AGTR1: variants seen among roughly 807,000 people sequenced by gnomAD.
AGTR1 encodes angiotensin II receptor type 1.
In AGTR1, 16 loss-of-function variants were observed where a neutral mutation model predicts 19.4. The observed-to-expected ratio is 0.82, with a 90% CI of 0.56 to 1.25. AGTR1 has a LOEUF of 1.25. AGTR1 is among the 50% of genes most tolerant of loss of function. AGTR1 has a pLI of 0.00. For missense variants in AGTR1, 373 were observed against 431.9 expected, an observed-to-expected ratio of 0.86 and a Z score of 1.21; for synonymous variants, 153 against 154.9, an observed-to-expected ratio of 0.99 and a Z score of 0.09.
intron 2 of AGTR1, among the ~76,000 whole-genome samples, chr3:148,736,041 C>G (rs1297757953): frequency 6.6e-6 from 1 of 151,876 alleles, no homozygotes; most frequent in African/African-American, 2.4e-5. Context: ...AGATTGCAAA[C>G]TAGTTTTAAA....
At chr3:148,725,768 C>T (rs187770656) in intron 2 of AGTR1, among the ~76,000 whole-genome samples, 2 of 152,282 alleles carry the variant, frequency 1.3e-5, no homozygotes, top group Admixed American at 1.3e-4. Flanking sequence ...CATGCATGAG[C>T]CACCACACCC....
rs568213686 is a variant in AGTR1, at chr3:148,742,081, C to T, written c.1046C>T (p.Thr349Ile). 73 of 1,614,102 alleles carry T rather than the reference C, an allele frequency of 4.5e-5. No homozygotes were observed. In the South Asian group the frequency reaches 6.9e-4, roughly 15 times the overall value. The stretch of plus-strand genomic sequence containing the variant: ...CCCTCAGATAATGTAAGCTCATCCA[C>T]CAAGAAGCCTGCACCATGTTTTGAG... ...YRPSDNVSSS[T>I]KKPAPCFEVE The change falls in exon 3 of 3, where the codon ACC (threonine) becomes ATC (isoleucine). Residue 349 changes from threonine (T) to isoleucine (I), a missense_variant. Physicochemically the swap from Thr to Ile is moderately conservative, Grantham distance 89 (BLOSUM62 -1). Transcript: ENST00000349243.
At chr3:148,739,987 C>G in intron 2 of AGTR1, 1 of 1,231,336 alleles carries the variant, frequency 8.1e-7, no homozygotes. Flanking sequence ...CCTTCAGCCT[C>G]CTTCCTGGGA....
At chr3:148,732,211 C>T (rs1272272948) in intron 2 of AGTR1, among the ~76,000 whole-genome samples, 1 of 152,174 alleles carries the variant, frequency 6.6e-6, no homozygotes, top group South Asian at 2.1e-4. Flanking sequence ...CAACCATGTT[C>T]CAAACTGTAC....
chr3:148,700,833 G>C (rs552244789), intron 1 of AGTR1, among the ~76,000 whole-genome samples: 1 of 152,300 alleles, frequency 6.6e-6, no homozygotes, highest in South Asian at 2.1e-4. Context: ...AATGCTATTA[G>C]TTTCCTTCAA....
At position 148,742,337 on chromosome 3, in the gene AGTR1, G is replaced by A. The variant is rs1307159647; in HGVS notation, c.*222G>A. ...CCACATTTTGCATTAGACAGATGAC[G>A]GCTGCTCGAAGAACAATGTCAGAAA... On this transcript the variant is annotated 3_prime_UTR_variant, in exon 3 of 3. Transcript: ENST00000349243. The A allele has an allele frequency of 1.2e-5, 8 of 677,280 alleles. No homozygotes were observed. Among genetic ancestry groups the A allele is most frequent in the East Asian group, 8.6e-5 (3 of 34,862 alleles). The allele number at this position is 677,280 out of a possible 1,614,324, so 42.0% of individuals were successfully genotyped here. A position where few individuals can be genotyped will look rare whatever the true frequency, so the allele number is the denominator to read the frequency against.
chr3:148,727,509 G>A (rs1714023303), intron 2 of AGTR1, among the ~76,000 whole-genome samples: 1 of 152,126 alleles, frequency 6.6e-6, no homozygotes, highest in South Asian at 2.1e-4. Flanking sequence ...GCAGACCTTG[G>A]GGCCACGACA....
chr3:148,701,517 G>C (rs1014976928), intron 1 of AGTR1, among the ~76,000 whole-genome samples: 1 of 152,162 alleles, frequency 6.6e-6, no homozygotes, highest in Non-Finnish European at 1.5e-5. Flanking sequence ...ATTTAGAAGG[G>C]TTTGAATTTG....
At chr3:148,711,064 A>G (rs2107934605) in intron 2 of AGTR1, among the ~76,000 whole-genome samples, 1 of 152,288 alleles carries the variant, frequency 6.6e-6, no homozygotes, top group East Asian at 1.9e-4. Context: ...TTCTTTATAA[A>G]TTACCCAGTT....
chr3:148,725,783 G>A (rs1040781344), intron 2 of AGTR1, among the ~76,000 whole-genome samples: 5 of 152,048 alleles, frequency 3.3e-5, no homozygotes, highest in Admixed American at 6.6e-5. Context: ...ACACCCGGCC[G>A]GAGACAGGTT....
At chr3:148,720,283 A>G (rs1433536802) in intron 2 of AGTR1, among the ~76,000 whole-genome samples, 1 of 152,164 alleles carries the variant, frequency 6.6e-6, no homozygotes, top group African/African-American at 2.4e-5. Flanking sequence ...ACACACACAC[A>G]GAGGCTCAAA....
intron 2 of AGTR1, among the ~76,000 whole-genome samples, chr3:148,715,788 G>A (rs1176035681): frequency 6.6e-6 from 1 of 152,024 alleles, no homozygotes; most frequent in Non-Finnish European, 1.5e-5. Context: ...CAGAAAAATT[G>A]GACCATAAGA....
At chr3:148,723,239 A>C (rs567904502) in intron 2 of AGTR1, among the ~76,000 whole-genome samples, 2 of 152,214 alleles carry the variant, frequency 1.3e-5, no homozygotes, top group Non-Finnish European at 2.9e-5. Context: ...CAAAAGGACA[A>C]ATGTAGCCTT....
chr3:148,741,136 T>C lies in AGTR1; in HGVS notation c.101T>C (p.Leu34Ser). The change falls in exon 3 of 3, where the codon TTA becomes TCA. Residue 34 changes from leucine to serine, a missense_variant. Physicochemically the swap from Leu to Ser is moderately radical, Grantham distance 145 (BLOSUM62 -2). Coordinates refer to ENST00000349243, the MANE Select transcript of AGTR1 (RefSeq NM_000685.5). ...HNYIFVMIPTLYSIIFVVGIF... is the reference protein window; with the variant it reads ...HNYIFVMIPTSYSIIFVVGIF... ...TACATATTTGTCATGATTCCTACTT[T>C]ATACAGTATCATCTTTGTGGTGGGA... is the stretch of plus-strand genomic sequence containing the variant. 1.9e-6 allele frequency: 3 copies of C among 1,614,184 alleles called. No individual in the cohort carries two copies.
intron 2 of AGTR1, among the ~76,000 whole-genome samples, chr3:148,740,185 G>A (rs1714792066): frequency 6.6e-6 from 1 of 152,202 alleles, no homozygotes; most frequent in Non-Finnish European, 1.5e-5. Context: ...CCTCAGTAAA[G>A]ACATGCTTTC....
In AGTR1 at chr3:148,741,133, C is replaced by T. The variant is rs1355208421; in HGVS notation, c.98C>T (p.Thr33Ile). 6.2e-7 allele frequency: 1 copy of T among 1,614,156 alleles called. No homozygotes were observed. Among genetic ancestry groups the T allele is most frequent in the East Asian group, 2.2e-5 (1 of 44,890 alleles). Reference sequence around the variant, plus strand: ...AATTACATATTTGTCATGATTCCTACTTTATACAGTATCATCTTTGTGGTG... The same window carrying T: ...AATTACATATTTGTCATGATTCCTATTTTATACAGTATCATCTTTGTGGTG... ...RHNYIFVMIP[T>I]LYSIIFVVGI... The change falls in exon 3 of 3, where the codon ACT becomes ATT. Residue 33 changes from threonine (T) to isoleucine (I), a missense_variant. Coordinates refer to ENST00000349243, the MANE Select transcript of AGTR1 (RefSeq NM_000685.5).
chr3:148,702,904 A>G (rs1322562986), intron 1 of AGTR1, among the ~76,000 whole-genome samples: 3 of 152,212 alleles, frequency 2.0e-5, no homozygotes, highest in African/African-American at 7.2e-5. Flanking sequence ...TTCTAATCTC[A>G]TTTAGATACA....
At chr3:148,722,523 G>GA (rs1713701901) in intron 2 of AGTR1, among the ~76,000 whole-genome samples, 1 of 152,106 alleles carries the variant, frequency 6.6e-6, no homozygotes, top group Non-Finnish European at 1.5e-5. Flanking sequence ...TGAACTCTCA[G>GA]AAAAAGTCCT....
intron 2 of AGTR1, among the ~76,000 whole-genome samples, chr3:148,710,438 G>A (rs1296060903): frequency 6.6e-6 from 1 of 152,050 alleles, no homozygotes; most frequent in Non-Finnish European, 1.5e-5. Flanking sequence ...CTGTTGGCTT[G>A]GTTACCAACA....
Sources: allele counts gnomAD v4.1 joint callset (sites outside exome capture counted in the v4.1 genomes callset), GRCh38; gene constraint gnomAD v4.1.1; transcripts MANE v1.5; gene names NCBI Gene and HGNC (gene_info 2026-07-23, HGNC 2026-07-21).